SLC25A11: variants seen among roughly 807,000 people sequenced by gnomAD.
SLC25A11 encodes the protein mitochondrial 2-oxoglutarate/malate carrier protein.
SLC25A11 carries 11 observed loss-of-function variants against 32.7 expected under a neutral mutation model. The ratio of observed to expected loss-of-function variants is 0.34; its 90% CI spans 0.21 to 0.56. SLC25A11 has a LOEUF of 0.56. Among genes scored for constraint, SLC25A11 ranks in the 20% least tolerant of loss-of-function variants. SLC25A11 has a pLI of 0.90. For missense variants in SLC25A11, 295 were observed against 426.3 expected (o/e 0.69, Z 2.71); for synonymous variants, 163 against 168.3 (o/e 0.97, Z 0.24).
rs1970593681 is a variant in SLC25A11 at position 4,939,740 on chromosome 17, C to A, written c.95+76G>T. The A allele has an allele frequency of 1.7e-6, 2 of 1,170,782 alleles. No homozygotes were observed. Among genetic ancestry groups the A allele is most frequent in the African/African-American group, 1.5e-5 (1 of 65,766 alleles). The allele number at this position is 1,170,782 out of a possible 1,614,324, so 72.5% of individuals were successfully genotyped here. Reference sequence around the variant, plus strand: ...TGCCGGCACAGTTCACTGCAACAGACCCAGAGATGAACCGGGCCCGGTTCC... The same window carrying A: ...TGCCGGCACAGTTCACTGCAACAGAACCAGAGATGAACCGGGCCCGGTTCC... On this transcript the variant is annotated intron_variant, in intron 1 of 7. Coordinates refer to ENST00000225665, the MANE Select transcript of SLC25A11 (RefSeq NM_003562.5). This position sits in a 1 kb window ranked among gnomAD's most constrained non-coding sequence, Gnocchi z 4.1.
In SLC25A11 at chr17:4,937,760, C is replaced by T. The variant is rs370162748; in HGVS notation, c.926G>A (p.Arg309His). The T allele has an allele frequency of 4.4e-5, 71 of 1,611,216 alleles. No individual in the cohort carries two copies. The highest frequency in any genetic ancestry group is 1.6e-4 in the Middle Eastern group (1 of 6,070). Residue 309 changes from arginine to histidine, a missense_variant, in exon 8 of 8, where the codon CGT (arginine) becomes CAT (histidine). By Grantham distance (29) the Arg-to-His change is conservative. Transcript: ENST00000225665. Reference sequence around the variant, plus strand: ...GCCGCTTCAGCCACTGAGGAAGAGACGCTTGTAGGCCTTGTTCATCTGCTC... The same window carrying T: ...GCCGCTTCAGCCACTGAGGAAGAGATGCTTGTAGGCCTTGTTCATCTGCTC... ...FLEQMNKAYK[R>H]LFLSG
At position 4,938,623 on chromosome 17, in the gene SLC25A11, G is replaced by A. The variant is rs1970502666; in HGVS notation, c.456-21C>T. 1.2e-5 allele frequency: 20 copies of A among 1,611,920 alleles called. No individual in the cohort carries two copies. Among genetic ancestry groups the A allele is most frequent in the Non-Finnish European group, 1.7e-5 (20 of 1,178,290 alleles). On this transcript the variant is annotated intron_variant, in intron 3 of 7. Coordinates refer to ENST00000225665, the MANE Select transcript of SLC25A11 (RefSeq NM_003562.5). The surrounding 1 kb of genome is among the most constrained non-coding windows in gnomAD (Gnocchi z 7.6). ...GAAGCCTGGTGGGAAGGCAGAAAGAGGTCAAGATCAGGATTGCCCACAGGT... is the reference window on the plus strand; with the variant it reads ...GAAGCCTGGTGGGAAGGCAGAAAGAAGTCAAGATCAGGATTGCCCACAGGT...
Position 4,939,197 on chromosome 17 carries a change from A to C in SLC25A11, c.111T>G (p.Val37=). The stretch of plus-strand genomic sequence containing the variant: ...TCACCAGGTCCAGGGGCTGGACAAA[A>C]ACTGTAGCTCCCATCCTGGGGGAAG... ...FGGLAGMGAT[V]FVQPLDLVKN... The change falls in exon 2 of 8, where the codon GTT becomes GTG. Residue 37 remains valine (V), a synonymous_variant. Coordinates refer to ENST00000225665, the MANE Select transcript of SLC25A11 (RefSeq NM_003562.5). This position sits in a 1 kb window ranked among gnomAD's most constrained non-coding sequence, Gnocchi z 4.1. The C allele has an allele frequency of 6.2e-7, 1 of 1,607,344 alleles. No homozygotes were observed.
chr17:4,938,092 G>A lies in SLC25A11; in HGVS notation c.738-18C>T, dbSNP rs969312621. ...TCTGGATTCTGCAGGAGAGGACGCA[G>A]GGGCATGAGAGACCGAAAGGGCACC... On this transcript the variant is annotated intron_variant, in intron 6 of 7. Transcript: ENST00000225665. This position sits in a 1 kb window ranked among gnomAD's most constrained non-coding sequence, Gnocchi z 7.6. 9 of 1,614,054 alleles carry A rather than the reference G, an allele frequency of 5.6e-6. No homozygotes were observed. Among genetic ancestry groups the A allele is most frequent in the Admixed American group, 5.0e-5 (3 of 60,008 alleles).
In SLC25A11 at chr17:4,939,722, A is replaced by G; in HGVS notation, c.95+94T>C. On this transcript the variant is annotated intron_variant, in intron 1 of 7. Coordinates refer to ENST00000225665, the MANE Select transcript of SLC25A11 (RefSeq NM_003562.5). This position sits in a 1 kb window ranked among gnomAD's most constrained non-coding sequence, Gnocchi z 4.1. ...GAGATCGCGCTGACCCCGTGCCGGC[A>G]CAGTTCACTGCAACAGACCCAGAGA... The G allele has an allele frequency of 1.0e-6, 1 of 985,872 alleles. No individual in the cohort carries two copies. The highest frequency in any genetic ancestry group is 1.6e-6 in the Non-Finnish European group (1 of 637,440). 61.1% of individuals were successfully genotyped at this position (985,872 alleles called of 1,614,324 possible).
At position 4,939,367 on chromosome 17, in the gene SLC25A11, AC is replaced by A; in HGVS notation, c.96-156del. ...CATGTGTATAAGAGTCTATATGTAC[AC>A]CAAGTGCAACGGGTCTGAAAAGTCT... On this transcript the variant is annotated intron_variant, in intron 1 of 7. Coordinates refer to ENST00000225665, the MANE Select transcript of SLC25A11 (RefSeq NM_003562.5). The surrounding 1 kb of genome is among the most constrained non-coding windows in gnomAD (Gnocchi z 4.1). 1.2e-6 allele frequency: 1 copy of A among 805,532 alleles called. No individual in the cohort carries two copies. The highest frequency in any genetic ancestry group is 2.9e-5 in the Admixed American group (1 of 34,442). The allele number at this position is 805,532 out of a possible 1,614,324, so 49.9% of individuals were successfully genotyped here.
rs1017329134 is a variant in SLC25A11, at chr17:4,939,334, C to T, written c.96-122G>A. ...GCCATGCGATTCAAGAATCAGGATG[C>T]TGGTGAGCATGTGTATAAGAGTCTA... On this transcript the variant is annotated intron_variant, in intron 1 of 7. Transcript: ENST00000225665. The surrounding 1 kb of genome is among the most constrained non-coding windows in gnomAD (Gnocchi z 4.1). The T allele has an allele frequency of 1.8e-6, 2 of 1,130,750 alleles. No homozygotes were observed. Among genetic ancestry groups the T allele is most frequent in the Non-Finnish European group, 2.5e-6 (2 of 810,834 alleles). The allele number at this position is 1,130,750 out of a possible 1,614,324, so 70.0% of individuals were successfully genotyped here. A position where few individuals can be genotyped will look rare whatever the true frequency, so the allele number is the denominator to read the frequency against.
rs756633720 is a variant in SLC25A11 at position 4,938,851 on chromosome 17, T to A, written c.373A>T (p.Ile125Phe). Reference sequence around the variant, plus strand: ...CCAGTGGCACCTGCGGTCATGCCAATCACAGCCTTCAGCAGAAAGCCAGGG... The same window carrying A: ...CCAGTGGCACCTGCGGTCATGCCAAACACAGCCTTCAGCAGAAAGCCAGGG... ...TPPGFLLKAVIGMTAGATGAF... is the reference protein window; with the variant it reads ...TPPGFLLKAVFGMTAGATGAF... The change falls in exon 3 of 8, where the codon ATT becomes TTT. Residue 125 changes from isoleucine to phenylalanine, a missense_variant. This residue lies in a region of SLC25A11 where 49 missense variants were observed against 106.9 expected (regional missense o/e 0.46). Coordinates refer to ENST00000225665, the MANE Select transcript of SLC25A11 (RefSeq NM_003562.5). The surrounding 1 kb of genome is among the most constrained non-coding windows in gnomAD (Gnocchi z 7.6). 6.2e-7 allele frequency: 1 copy of A among 1,614,072 alleles called. No individual in the cohort carries two copies.
Position 4,940,027 on chromosome 17 carries a change from T to C in SLC25A11, c.-117A>G. 1 of 630,342 alleles carries C rather than the reference T, an allele frequency of 1.6e-6. No individual in the cohort carries two copies. The highest frequency in any genetic ancestry group is 2.5e-6 in the Non-Finnish European group (1 of 405,558). 39.0% of individuals were successfully genotyped at this position (630,342 alleles called of 1,614,324 possible). On this transcript the variant is annotated 5_prime_UTR_variant, in exon 1 of 8. Transcript: ENST00000225665. ...CGCGCACGCCCCTCCAGCTCTCAGGTCCGACACCCGCTGGAAGCCGGCGCG... is the reference window on the plus strand; with the variant it reads ...CGCGCACGCCCCTCCAGCTCTCAGGCCCGACACCCGCTGGAAGCCGGCGCG...
rs1567650994 is a variant in SLC25A11, at chr17:4,938,269, CG to C, written c.638-17del. The stretch of plus-strand genomic sequence containing the variant: ...GAGAAGTAGCCTGGGGGAGGTGAGG[CG>C]GGGGTGGCAGTCAGCTCAGAGGTGG... On this transcript the variant is annotated splice_polypyrimidine_tract_variant and intron_variant, in intron 5 of 7. Transcript: ENST00000225665. This position sits in a 1 kb window ranked among gnomAD's most constrained non-coding sequence, Gnocchi z 7.6. The C allele has an allele frequency of 6.2e-7, 1 of 1,611,828 alleles. No individual in the cohort carries two copies. The highest frequency in any genetic ancestry group is 8.5e-7 in the Non-Finnish European group (1 of 1,178,604).
In SLC25A11 at chr17:4,939,782, C is replaced by T; in HGVS notation, c.95+34G>A. On this transcript the variant is annotated intron_variant, in intron 1 of 7. Coordinates refer to ENST00000225665, the MANE Select transcript of SLC25A11 (RefSeq NM_003562.5). This position sits in a 1 kb window ranked among gnomAD's most constrained non-coding sequence, Gnocchi z 4.1. ...CCCGGTTCCTTTTGCCCTTCCCTTC[C>T]TCCTCTTTTCCCATCCCTGGGGCCT... 2 of 1,569,062 alleles carry T rather than the reference C, an allele frequency of 1.3e-6. No individual in the cohort carries two copies. The highest frequency in any genetic ancestry group is 1.8e-6 in the Non-Finnish European group (2 of 1,142,154).
rs201357312 is a variant in SLC25A11, at chr17:4,938,520, G to A, written c.538C>T (p.Leu180=). 2 of 1,614,084 alleles carry A rather than the reference G, an allele frequency of 1.2e-6. No individual in the cohort carries two copies. Among genetic ancestry groups the A allele is most frequent in the African/African-American group, 1.3e-5 (1 of 75,066 alleles). ...RITREEGVLT[L]WRGCIPTMAR... ...CCAGCCCCTCCACTCACCCGCCACAGTGTGAGGACACCCTCTTCCCGGGTG... is the reference window on the plus strand; with the variant it reads ...CCAGCCCCTCCACTCACCCGCCACAATGTGAGGACACCCTCTTCCCGGGTG... The change falls in exon 4 of 8, where the codon CTG becomes TTG. Residue 180 remains leucine, a synonymous_variant. Transcript: ENST00000225665. The surrounding 1 kb of genome is among the most constrained non-coding windows in gnomAD (Gnocchi z 7.6).
rs1031772724 is a variant in SLC25A11 at position 4,937,658 on chromosome 17, A to T, written c.*83T>A. ...ACCACACTGTGGAAGGGAAATAAAT[A>T]GAGGGGTCCAGGGCAGCAGAGCCCA... On this transcript the variant is annotated 3_prime_UTR_variant, in exon 8 of 8. Coordinates refer to ENST00000225665, the MANE Select transcript of SLC25A11 (RefSeq NM_003562.5). The T allele has an allele frequency of 4.0e-5, 58 of 1,459,620 alleles. No individual in the cohort carries two copies. The highest frequency in any genetic ancestry group is 5.1e-5 in the Non-Finnish European group (55 of 1,089,102). 90.4% of individuals were successfully genotyped at this position (1,459,620 alleles called of 1,614,324 possible).
Position 4,939,765 on chromosome 17 carries a change from C to T in SLC25A11, c.95+51G>A. On this transcript the variant is annotated intron_variant, in intron 1 of 7. Coordinates refer to ENST00000225665, the MANE Select transcript of SLC25A11 (RefSeq NM_003562.5). The surrounding 1 kb of genome is among the most constrained non-coding windows in gnomAD (Gnocchi z 4.1). ...CCCAGAGATGAACCGGGCCCGGTTC[C>T]TTTTGCCCTTCCCTTCCTCCTCTTT... The T allele has an allele frequency of 6.8e-7, 1 of 1,475,952 alleles. No individual in the cohort carries two copies. The highest frequency in any genetic ancestry group is 9.4e-7 in the Non-Finnish European group (1 of 1,061,898). The allele number at this position is 1,475,952 out of a possible 1,614,324, so 91.4% of individuals were successfully genotyped here. A position where few individuals can be genotyped will look rare whatever the true frequency, so the allele number is the denominator to read the frequency against.
chr17:4,938,083 G>A lies in SLC25A11; in HGVS notation c.738-9C>T, dbSNP rs780731260. 5 of 1,614,176 alleles carry A rather than the reference G, an allele frequency of 3.1e-6. No individual in the cohort carries two copies. The highest frequency in any genetic ancestry group is 1.1e-5 in the South Asian group (1 of 91,088). ...TCCGCATGTTCTGGATTCTGCAGGA[G>A]AGGACGCAGGGGCATGAGAGACCGA... is the stretch of plus-strand genomic sequence containing the variant. On this transcript the variant is annotated splice_polypyrimidine_tract_variant and intron_variant, in intron 6 of 7. Coordinates refer to ENST00000225665, the MANE Select transcript of SLC25A11 (RefSeq NM_003562.5). This position sits in a 1 kb window ranked among gnomAD's most constrained non-coding sequence, Gnocchi z 7.6.
Position 4,937,778 on chromosome 17 carries a change from A to G in SLC25A11, c.908T>C (p.Met303Thr), listed in dbSNP as rs2151110342. 6.2e-7 allele frequency: 1 copy of G among 1,613,802 alleles called. No homozygotes were observed. The highest frequency in any genetic ancestry group is 1.7e-4 in the Middle Eastern group (1 of 6,058). The stretch of plus-strand genomic sequence containing the variant: ...GAAGAGACGCTTGTAGGCCTTGTTC[A>G]TCTGCTCCAAGAAGATGAAGGTGAG... ...TVLTFIFLEQ[M>T]NKAYKRLFLS... The change falls in exon 8 of 8, where the codon ATG (methionine) becomes ACG (threonine). Residue 303 changes from methionine to threonine, a missense_variant. By Grantham distance (81) the Met-to-Thr change is moderately conservative (BLOSUM62 -1). This residue lies in a region of SLC25A11 where 142 missense variants were observed against 197.8 expected (regional missense o/e 0.72). Transcript: ENST00000225665.
At position 4,938,585 on chromosome 17, in the gene SLC25A11, C is replaced by T. The variant is rs749256407; in HGVS notation, c.473G>A (p.Arg158His). 4.3e-6 allele frequency: 7 copies of T among 1,614,036 alleles called. No individual in the cohort carries two copies. The highest frequency in any genetic ancestry group is 1.3e-5 in the African/African-American group (1 of 75,026). ...TADGRLPADQ[R>H]RGYKNVFNAL... ...GTTAAACACATTTTTGTAGCCACGG[C>T]GCTGGTCAGCTGGAAGCCTGGTGGG... Residue 158 changes from arginine (R) to histidine (H), a missense_variant, in exon 4 of 8, where the codon CGC (arginine) becomes CAC (histidine). Physicochemically the swap from Arg to His is conservative, Grantham distance 29 (BLOSUM62 0). Transcript: ENST00000225665. The surrounding 1 kb of genome is among the most constrained non-coding windows in gnomAD (Gnocchi z 7.6).
rs538202414 is a variant in SLC25A11, at chr17:4,939,355, G to C, written c.96-143C>G. The C allele has an allele frequency of 7.7e-6, 7 of 911,798 alleles. No individual in the cohort carries two copies. In the Admixed American group the frequency reaches 8.5e-5, roughly 11 times the overall value. 56.5% of individuals were successfully genotyped at this position (911,798 alleles called of 1,614,324 possible). A position where few individuals can be genotyped will look rare whatever the true frequency, so the allele number is the denominator to read the frequency against. On this transcript the variant is annotated intron_variant, in intron 1 of 7. Coordinates refer to ENST00000225665, the MANE Select transcript of SLC25A11 (RefSeq NM_003562.5). The surrounding 1 kb of genome is among the most constrained non-coding windows in gnomAD (Gnocchi z 4.1). ...GATGCTGGTGAGCATGTGTATAAGA[G>C]TCTATATGTACACCAAGTGCAACGG...
chr17:4,938,697 G>T lies in SLC25A11; in HGVS notation c.455+72C>A, dbSNP rs1970505918. On this transcript the variant is annotated intron_variant, in intron 3 of 7. Coordinates refer to ENST00000225665, the MANE Select transcript of SLC25A11 (RefSeq NM_003562.5). The surrounding 1 kb of genome is among the most constrained non-coding windows in gnomAD (Gnocchi z 7.6). Reference sequence around the variant, plus strand: ...GGTAAACACTCTGCTCCAGATCCGGGATAAAAAACTGGTCCTTTCATTCTA... The same window carrying T: ...GGTAAACACTCTGCTCCAGATCCGGTATAAAAAACTGGTCCTTTCATTCTA... 2.3e-5 allele frequency: 37 copies of T among 1,586,034 alleles called. 1 individual carries two copies. In the South Asian group the frequency reaches 3.2e-4, roughly 14 times the overall value.
Sources: gnomAD v4.1 joint callset for allele counts on GRCh38, gnomAD v4.1.1 for gene constraint, gnomAD v4.1.1 regional missense constraint, Gnocchi (gnomAD v3.1) non-coding constraint, MANE v1.5 for transcripts, NCBI Gene and HGNC (gene_info 2026-07-23, HGNC 2026-07-21) for gene names.